Variants in SLC38A2 observed in about 807,000 individuals in gnomAD.
The protein encoded by SLC38A2 is sodium-coupled neutral amino acid symporter 2.
Under a neutral mutation model 61.5 loss-of-function variants are expected in SLC38A2, and 11 were observed. The ratio of observed to expected loss-of-function variants is 0.18; its 90% CI spans 0.11 to 0.30. The LOEUF is 0.30. SLC38A2 is among the 10% of genes least tolerant of loss of function. The pLI is 1.00. For synonymous variants in SLC38A2, 217 were observed against 212.5 expected, an observed-to-expected ratio of 1.02 and a Z score of -0.18; for missense variants, 522 against 600.4, an observed-to-expected ratio of 0.87 and a Z score of 1.36.
intron 15 of SLC38A2, 110 bp downstream of exon 15, chr12:46,362,173 GA>G: frequency 1.1e-6 from 1 of 872,628 alleles, no homozygotes; most frequent in Non-Finnish European, 1.7e-6. Context: ...ATGTTTGCTG[GA>G]AACTTAAAAG....
chr12:46,363,172 G>C (rs1943101995), intron 12 of SLC38A2, 27 bp from the exon 13 acceptor site: 2 of 1,606,018 alleles, frequency 1.2e-6, no homozygotes, highest in South Asian at 2.2e-5. Flanking sequence ...AAAAAACTTT[G>C]ATTGGCTGTT....
rs1943061856 is a variant in SLC38A2 at position 46,359,829 on chromosome 12, T to C, written c.*1282A>G. On this transcript the variant is annotated 3_prime_UTR_variant, in exon 16 of 16. Transcript: ENST00000256689. ...TAACCATTTGTTGGATGTAAACAAGTAATTCTACGTTGTACAAGAATGAGA... is the reference window on the plus strand; with the variant it reads ...TAACCATTTGTTGGATGTAAACAAGCAATTCTACGTTGTACAAGAATGAGA... 6.6e-6 allele frequency: 1 copy of C among 152,664 alleles called. No homozygotes were observed. Among genetic ancestry groups the C allele is most frequent in the Non-Finnish European group, 1.5e-5 (1 of 68,038 alleles). The allele number at this position is 152,664 out of a possible 1,614,324, so 9.5% of individuals were successfully genotyped here.
chr12:46,369,909 A>AT (rs1468174628), intron 4 of SLC38A2, among the ~76,000 whole-genome samples: 2 of 152,102 alleles, frequency 1.3e-5, no homozygotes, highest in Admixed American at 6.5e-5. Flanking sequence ...TAAAGTATTC[A>AT]TTTTTTGCCA....
chr12:46,364,590 A>C (rs1394833917), intron 9 of SLC38A2, 34 bp from the exon 10 acceptor site: 2 of 1,599,692 alleles, frequency 1.3e-6, no homozygotes, highest in Non-Finnish European at 1.7e-6. Context: ...TGTTAAACTA[A>C]GTGACATGGC....
At position 46,368,132 on chromosome 12, in the gene SLC38A2, G is replaced by A. The variant is rs559682334; in HGVS notation, c.315-792C>T. Among the ~76,000 whole-genome samples the A allele has an allele frequency of 5.3e-5, 8 of 152,098 alleles. No individual in the cohort carries two copies. The East Asian group carries it at 1.5e-3, about 29-fold the overall frequency. On this transcript the variant is annotated intron_variant, in intron 4 of 15. Coordinates refer to ENST00000256689, the MANE Select transcript of SLC38A2 (RefSeq NM_018976.5). ...CTTTTTAAAAAAAAAAGAAAGAAAAGGAAAAGAATGGTAAGGGGGAAATGA... is the reference window on the plus strand; with the variant it reads ...CTTTTTAAAAAAAAAAGAAAGAAAAAGAAAAGAATGGTAAGGGGGAAATGA...
At position 46,364,645 on chromosome 12, in the gene SLC38A2, A is replaced by G. The variant is rs1943120238; in HGVS notation, c.704T>C (p.Val235Ala). ...SLLCMVFFLI[V>A]VICKKFQVPC... ...TTCTAAAAAAAAAATCATACCCACC[A>G]CAATCAGAAAGAACACCATACACAA... The change falls in exon 9 of 16, where the codon GTG (valine) becomes GCG (alanine). Residue 235 changes from valine (V) to alanine (A), a missense_variant and splice_region_variant. Physicochemically the swap from Val to Ala is moderately conservative, Grantham distance 64. This residue lies in a region of SLC38A2 where 309 missense variants were observed against 343.9 expected (regional missense o/e 0.90). Coordinates refer to ENST00000256689, the MANE Select transcript of SLC38A2 (RefSeq NM_018976.5). The G allele has an allele frequency of 6.2e-7, 1 of 1,608,180 alleles. No homozygotes were observed. The highest frequency in any genetic ancestry group is 2.2e-5 in the East Asian group (1 of 44,836).
chr12:46,371,495 C>A (rs1311110879), intron 1 of SLC38A2, 116 bp from the exon 2 acceptor site: 1 of 537,438 alleles, frequency 1.9e-6, no homozygotes, highest in Non-Finnish European at 3.2e-6. Context: ...TGGAAAAGTA[C>A]CAGCCGCGCG....
At chr12:46,364,289 T>A in intron 10 of SLC38A2, 100 bp downstream of exon 10, 1 of 1,253,970 alleles carries the variant, frequency 8.0e-7, no homozygotes, top group Non-Finnish European at 1.1e-6. Context: ...ATGTTTTCTA[T>A]AAAGCACCTA....
intron 8 of SLC38A2, 102 bp downstream of exon 8, chr12:46,365,005 A>T: frequency 8.9e-7 from 1 of 1,121,960 alleles, no homozygotes; most frequent in Non-Finnish European, 1.3e-6. Context: ...ATACCTTTCT[A>T]CTTTCTAGGG....
chr12:46,368,148 G>C (rs191036356), intron 4 of SLC38A2, among the ~76,000 whole-genome samples: 9 of 152,160 alleles, frequency 5.9e-5, no homozygotes, highest in Admixed American at 1.3e-4. Context: ...GAATGGTAAG[G>C]GGGAAATGAC....
At position 46,358,602 on chromosome 12, in the gene SLC38A2, T is replaced by C; in HGVS notation, c.*2509A>G. The C allele has an allele frequency of 6.6e-6, 1 of 152,514 alleles. No individual in the cohort carries two copies. The highest frequency in any genetic ancestry group is 1.9e-4 in the East Asian group (1 of 5,208). The allele number at this position is 152,514 out of a possible 1,614,324, so 9.4% of individuals were successfully genotyped here. A position where few individuals can be genotyped will look rare whatever the true frequency, so the allele number is the denominator to read the frequency against. ...TCTGTACAGGTACTTTTGGGACAAT[T>C]CTTATAGTTACATAATGTGAATTCA... On this transcript the variant is annotated 3_prime_UTR_variant, in exon 16 of 16. Coordinates refer to ENST00000256689, the MANE Select transcript of SLC38A2 (RefSeq NM_018976.5).
At chr12:46,372,259 T>C (rs1943212696) in intron 1 of SLC38A2, 2 of 162,050 alleles carry the variant, frequency 1.2e-5, no homozygotes, top group African/African-American at 2.4e-5. Context: ...CTCCCCCTAA[T>C]GGGAAGATGC....
At chr12:46,371,425 C>T in intron 1 of SLC38A2, 46 bp from the exon 2 acceptor site, 2 of 695,036 alleles carry the variant, frequency 2.9e-6, no homozygotes, top group Non-Finnish European at 4.9e-6. Flanking sequence ...GCCAGCCCGC[C>T]GCGGTCACGT....
At chr12:46,363,234 T>C in intron 12 of SLC38A2, 89 bp from the exon 13 acceptor site, 2 of 1,412,212 alleles carry the variant, frequency 1.4e-6, no homozygotes, top group South Asian at 2.6e-5. Context: ...ACCAGTTATT[T>C]AGCTACTCAC....
At position 46,358,549 on chromosome 12, in the gene SLC38A2, A is replaced by T. The variant is rs1406628780; in HGVS notation, c.*2562T>A. ...CAAGTTTTTTTTAGTGTTTGTACAC[A>T]ATTTGTCAATTTTTCAATATTCAAT... is the stretch of plus-strand genomic sequence containing the variant. On this transcript the variant is annotated 3_prime_UTR_variant, in exon 16 of 16. Transcript: ENST00000256689. 6.6e-6 allele frequency: 1 copy of T among 152,588 alleles called. No individual in the cohort carries two copies. The highest frequency in any genetic ancestry group is 1.5e-5 in the Non-Finnish European group (1 of 68,026). The allele number at this position is 152,588 out of a possible 1,614,324, so 9.5% of individuals were successfully genotyped here.
At chr12:46,368,104 T>A (rs1943157707) in intron 4 of SLC38A2, among the ~76,000 whole-genome samples, 1 of 151,934 alleles carries the variant, frequency 6.6e-6, no homozygotes, top group African/African-American at 2.4e-5. Flanking sequence ...AATGAAATAC[T>A]GTCTTTTTAA....
chr12:46,364,514 C>A lies in SLC38A2; in HGVS notation c.748G>T (p.Ala250Ser). The A allele has an allele frequency of 6.2e-7, 1 of 1,612,214 alleles. No individual in the cohort carries two copies. The highest frequency in any genetic ancestry group is 8.5e-7 in the Non-Finnish European group (1 of 1,179,156). Reference sequence around the variant, plus strand: ...TTTATTGTTTCGTTAATTATCAAAGCAGCTTCCACAGGACACGGAACCTGA... The same window carrying A: ...TTTATTGTTTCGTTAATTATCAAAGAAGCTTCCACAGGACACGGAACCTGA... ...KFQVPCPVEA[A>S]LIINETINTT... Residue 250 changes from alanine (A) to serine (S), a missense_variant, in exon 10 of 16, where the codon GCT becomes TCT. By Grantham distance (99) the Ala-to-Ser change is moderately conservative (BLOSUM62 1). Around this residue, in one of 3 missense-constraint regions of SLC38A2, gnomAD observed 309 missense variants for 343.9 expected, o/e 0.90. Coordinates refer to ENST00000256689, the MANE Select transcript of SLC38A2 (RefSeq NM_018976.5).
At position 46,371,339 on chromosome 12, in the gene SLC38A2, CTT is replaced by C. The variant is rs779572410; in HGVS notation, c.-48_-47del. The C allele has an allele frequency of 1.8e-5, 27 of 1,514,674 alleles. No homozygotes were observed. The highest frequency in any genetic ancestry group is 2.1e-5 in the Non-Finnish European group (23 of 1,090,826). The allele number at this position is 1,514,674 out of a possible 1,614,324, so 93.8% of individuals were successfully genotyped here. The stretch of plus-strand genomic sequence containing the variant: ...GGGTGCAGCTAGTAGCGCTGGGCTC[CTT>C]TTGTCCTTGGCGGTGGGTGCAGCGG... On this transcript the variant is annotated 5_prime_UTR_variant, in exon 2 of 16. Transcript: ENST00000256689.
At chr12:46,369,080 G>A (rs1199777407) in intron 4 of SLC38A2, among the ~76,000 whole-genome samples, 1 of 152,202 alleles carries the variant, frequency 6.6e-6, no homozygotes, top group Non-Finnish European at 1.5e-5. Context: ...AATTCCAAGA[G>A]TACAAGGGTT....
Sources: allele counts gnomAD v4.1 joint callset (sites outside exome capture counted in the v4.1 genomes callset), GRCh38; gene constraint gnomAD v4.1.1; regional missense constraint gnomAD v4.1.1; transcripts MANE v1.5; gene names NCBI Gene and HGNC (gene_info 2026-07-23, HGNC 2026-07-21).